CHAF1B: variants seen among roughly 807,000 people sequenced by gnomAD.
CHAF1B encodes the protein chromatin assembly factor 1 subunit B.
In CHAF1B, 10 loss-of-function variants were observed where a neutral mutation model predicts 60.7. The observed-to-expected ratio is 0.16, with a 90% CI of 0.10 to 0.28. The LOEUF is 0.28. Ranked by LOEUF, CHAF1B falls within the 10% of genes least tolerant of loss-of-function variation. CHAF1B has a pLI of 1.00. For synonymous variants in CHAF1B, 261 were observed against 266.1 expected, an observed-to-expected ratio of 0.98 and a Z score of 0.19; for missense variants, 558 against 708.4, an observed-to-expected ratio of 0.79 and a Z score of 2.41.
chr21:36,411,959 G>T (rs540307948), intron 11 of CHAF1B, among the ~76,000 whole-genome samples: 3 of 152,062 alleles, frequency 2.0e-5, no homozygotes, highest in East Asian at 3.9e-4. Flanking sequence ...AAACTCCTGG[G>T]CTCAACGATC....
chr21:36,409,003 C>T (rs568247081), intron 9 of CHAF1B, among the ~76,000 whole-genome samples, 173 bp downstream of exon 9: 6 of 152,046 alleles, frequency 3.9e-5, no homozygotes, highest in Admixed American at 2.6e-4. Context: ...TACAGGTGCC[C>T]GCCACCACTC....
At chr21:36,403,634 A>T (rs1324550363) in intron 8 of CHAF1B, among the ~76,000 whole-genome samples, 1 of 152,148 alleles carries the variant, frequency 6.6e-6, no homozygotes, top group Non-Finnish European at 1.5e-5. Context: ...TCATGGACAA[A>T]CTTGTGGAAG....
chr21:36,388,245 G>A (rs1255816018), intron 3 of CHAF1B, among the ~76,000 whole-genome samples: 1 of 152,132 alleles, frequency 6.6e-6, no homozygotes, highest in Non-Finnish European at 1.5e-5. Flanking sequence ...ATGAAACCAG[G>A]AACACCTGTT....
chr21:36,415,179 T>C, intron 12 of CHAF1B, 116 bp from the exon 13 acceptor site: 1 of 652,856 alleles, frequency 1.5e-6, no homozygotes, highest in Non-Finnish European at 2.7e-6. Context: ...GAACCAGAAG[T>C]TCAGCTGAAA....
chr21:36,411,482 G>A lies in CHAF1B; in HGVS notation c.939G>A (p.Leu313=). Residue 313 remains leucine, a synonymous_variant, in exon 11 of 14, where the codon CTG becomes CTA. Transcript: ENST00000314103. ...VVETGVELMS[L]PYRLVFAVAS... is the part of the protein sequence containing the mutation. Reference sequence around the variant, plus strand: ...CCCCAGGTGTGGAGCTGATGAGTCTGCCCTACCGCCTGGTGTTTGCTGTGG... The same window carrying A: ...CCCCAGGTGTGGAGCTGATGAGTCTACCCTACCGCCTGGTGTTTGCTGTGG... 1 of 1,614,028 alleles carries A rather than the reference G, an allele frequency of 6.2e-7. No homozygotes were observed. Among genetic ancestry groups the A allele is most frequent in the East Asian group, 2.2e-5 (1 of 44,886 alleles).
intron 8 of CHAF1B, among the ~76,000 whole-genome samples, chr21:36,405,589 C>G (rs1180550148): frequency 6.6e-6 from 1 of 152,054 alleles, no homozygotes; most frequent in Non-Finnish European, 1.5e-5. Context: ...AGCACCATGC[C>G]TGGCTAATTT....
intron 3 of CHAF1B, among the ~76,000 whole-genome samples, chr21:36,388,468 GT>G (rs1168454008): frequency 0.033 from 4,143 of 126,312 alleles, 38 homozygotes; most frequent in Admixed American, 0.052. Context: ...GGCTTTGGGA[GT>G]TTTTTTTTTT....
intron 8 of CHAF1B, 93 bp downstream of exon 8, chr21:36,402,944 T>G: frequency 9.4e-7 from 1 of 1,061,988 alleles, no homozygotes; most frequent in Non-Finnish European, 1.4e-6. Flanking sequence ...CAGTGAATGC[T>G]GATTAGAGTG....
intron 10 of CHAF1B, among the ~76,000 whole-genome samples, chr21:36,411,004 C>T (rs1042635194): frequency 1.3e-5 from 2 of 152,034 alleles, no homozygotes; most frequent in African/African-American, 4.8e-5. Context: ...TTTTTCTCCT[C>T]ATTGTGGGTC....
chr21:36,406,970 TA>T (rs2086242267), intron 8 of CHAF1B, among the ~76,000 whole-genome samples: 1 of 151,930 alleles, frequency 6.6e-6, no homozygotes, highest in Admixed American at 6.6e-5. Context: ...TGTAAGGAAA[TA>T]TAGGAGGACA....
At chr21:36,401,467 C>T (rs867550714) in intron 7 of CHAF1B, among the ~76,000 whole-genome samples, 1 of 16,942 alleles carries the variant, frequency 5.9e-5, no homozygotes, top group African/African-American at 2.7e-4. Context: ...TTATATTATA[C>T]ATAATATATA....
chr21:36,387,224 G>GTT (rs61437805), intron 2 of CHAF1B, among the ~76,000 whole-genome samples: 11,625 of 131,376 alleles, frequency 0.088, 1,057 homozygotes, highest in East Asian at 0.42. Flanking sequence ...GCATAGTTTT[G>GTT]TTTTTTTTTT....
chr21:36,409,587 T>G, intron 10 of CHAF1B, 122 bp downstream of exon 10: 1 of 508,666 alleles, frequency 2.0e-6, no homozygotes, highest in Non-Finnish European at 3.5e-6. Flanking sequence ...TTCAGTTCAG[T>G]TATTTTAAAA....
At chr21:36,412,632 G>C (rs545270565) in intron 11 of CHAF1B, 15 of 442,460 alleles carry the variant, frequency 3.4e-5, no homozygotes, top group African/African-American at 3.0e-4. Flanking sequence ...AAAGTGCTGG[G>C]ATTACAGGCG....
intron 8 of CHAF1B, among the ~76,000 whole-genome samples, chr21:36,403,992 A>C (rs1449301554): frequency 6.6e-6 from 1 of 152,168 alleles, no homozygotes; most frequent in Non-Finnish European, 1.5e-5. Flanking sequence ...TGTGCGAATG[A>C]CACTTTGGCC....
chr21:36,387,757 C>G lies in CHAF1B; in HGVS notation c.259+27C>G, dbSNP rs540662217. The G allele has an allele frequency of 8.7e-6, 14 of 1,610,910 alleles. No individual in the cohort carries two copies. In the East Asian group the frequency reaches 2.5e-4, roughly 28 times the overall value. On this transcript the variant is annotated intron_variant, in intron 3 of 13. Transcript: ENST00000314103. Reference sequence around the variant, plus strand: ...TGAGTATTGCTGTCCTTCAGAGATTCTTCGGGAACCAGATAGATACCTGTG... The same window carrying G: ...TGAGTATTGCTGTCCTTCAGAGATTGTTCGGGAACCAGATAGATACCTGTG...
chr21:36,408,900 G>A, intron 9 of CHAF1B, 70 bp downstream of exon 9: 1 of 1,116,204 alleles, frequency 9.0e-7, no homozygotes. Flanking sequence ...TGTTGCCCAG[G>A]CTGGAGTGCA....
chr21:36,401,191 T>C (rs948908327), intron 7 of CHAF1B, among the ~76,000 whole-genome samples: 3 of 151,472 alleles, frequency 2.0e-5, no homozygotes, highest in African/African-American at 7.3e-5. Context: ...CACTGGAACC[T>C]GGGAGGTGGA....
intron 2 of CHAF1B, among the ~76,000 whole-genome samples, chr21:36,386,544 G>C (rs548207707): frequency 2.5e-4 from 38 of 152,262 alleles, no homozygotes; most frequent in Non-Finnish European, 4.6e-4. Flanking sequence ...TTTGAAGCAA[G>C]CAACGATCAC....
Sources: gnomAD v4.1 joint callset for allele counts (sites outside exome capture counted in the v4.1 genomes callset) on GRCh38, gnomAD v4.1.1 for gene constraint, MANE v1.5 for transcripts, NCBI Gene and HGNC (gene_info 2026-07-23, HGNC 2026-07-21) for gene names.